Variants in SLC4A4 observed in about 807,000 individuals in gnomAD.
SLC4A4 encodes electrogenic sodium bicarbonate cotransporter 1.
SLC4A4 carries 27 observed loss-of-function variants against 111.5 expected under a neutral mutation model. That is an observed-to-expected ratio of 0.24 (90% CI 0.18 to 0.33). The LOEUF (loss-of-function observed/expected upper bound fraction) is 0.33. Ranked by LOEUF, SLC4A4 falls within the 10% of genes least tolerant of loss-of-function variation. SLC4A4 has a pLI of 1.00. For synonymous variants in SLC4A4, 443 were observed against 463.4 expected (o/e 0.96, Z 0.57); for missense variants, 909 against 1,315.5 (o/e 0.69, Z 4.78).
intron 2 of SLC4A4, among the ~76,000 whole-genome samples, chr4:71,239,378 T>A (rs1448304486): frequency 1.1e-4 from 17 of 152,154 alleles, no homozygotes; most frequent in Admixed American, 1.1e-3. Context: ...ATTTGTGCTT[T>A]AAAAGTGCTT....
chr4:71,544,164 A>C (rs1735304099), intron 18 of SLC4A4, among the ~76,000 whole-genome samples: 1 of 152,058 alleles, frequency 6.6e-6, no homozygotes, highest in Admixed American at 6.6e-5. Context: ...AATGCAAAGC[A>C]GGGAAACATA....
chr4:71,101,899 C>G (rs565328830), intron 2 of SLC4A4, among the ~76,000 whole-genome samples: 1 of 151,888 alleles, frequency 6.6e-6, no homozygotes, highest in Non-Finnish European at 1.5e-5. Context: ...TCCTCACCAG[C>G]AATGGAACAA....
At chr4:71,212,156 A>C (rs1353031990) in intron 1 of SLC4A4, among the ~76,000 whole-genome samples, 2 of 152,226 alleles carry the variant, frequency 1.3e-5, no homozygotes, top group Non-Finnish European at 2.9e-5. Flanking sequence ...TGTCTGAAAG[A>C]ATAATTTAGG....
intron 12 of SLC4A4, among the ~76,000 whole-genome samples, chr4:71,463,396 T>C (rs1379441498): frequency 6.6e-6 from 1 of 152,220 alleles, no homozygotes; most frequent in Non-Finnish European, 1.5e-5. Flanking sequence ...ACTACAGTTA[T>C]TCATTACATG....
chr4:71,536,266 G>A (rs575201693), intron 18 of SLC4A4, among the ~76,000 whole-genome samples: 1 of 150,872 alleles, frequency 6.6e-6, no homozygotes, highest in African/African-American at 2.4e-5. Context: ...CATTCAAGGG[G>A]GTGAGGGGGG....
At chr4:71,064,320 A>G (rs1405852172) in intron 1 of SLC4A4, among the ~76,000 whole-genome samples, 2 of 152,198 alleles carry the variant, frequency 1.3e-5, no homozygotes, top group Non-Finnish European at 2.9e-5. Flanking sequence ...GAAAAGTGCA[A>G]TGCTCTTAAC....
intron 2 of SLC4A4, among the ~76,000 whole-genome samples, chr4:71,151,493 T>C (rs1465752561): frequency 6.6e-6 from 1 of 152,146 alleles, no homozygotes; most frequent in Non-Finnish European, 1.5e-5. Flanking sequence ...TAATGACATT[T>C]AATGTCATTT....
At chr4:71,464,107 G>C (rs1234917400) in intron 12 of SLC4A4, among the ~76,000 whole-genome samples, 1 of 152,156 alleles carries the variant, frequency 6.6e-6, no homozygotes, top group Non-Finnish European at 1.5e-5. Context: ...ATACACTGGT[G>C]TAAGTTGTAA....
chr4:71,375,612 A>G (rs1278358500), intron 6 of SLC4A4, among the ~76,000 whole-genome samples: 1 of 152,138 alleles, frequency 6.6e-6, no homozygotes, highest in African/African-American at 2.4e-5. Flanking sequence ...TCTACTTTGC[A>G]CTATAATGTA....
intron 3 of SLC4A4, among the ~76,000 whole-genome samples, chr4:71,331,759 A>G (rs943495862): frequency 1.3e-5 from 2 of 151,424 alleles, no homozygotes; most frequent in African/African-American, 4.8e-5. Flanking sequence ...TGGTTTGGAT[A>G]GGATTGGCAT....
intron 7 of SLC4A4, among the ~76,000 whole-genome samples, chr4:71,425,688 G>A (rs35378933): frequency 0.17 from 26,267 of 151,978 alleles, 2,536 homozygotes; most frequent in South Asian, 0.31. Flanking sequence ...CTCAAAGTGG[G>A]GGTGGATGGT....
At chr4:71,113,698 A>G (rs1399288833) in intron 2 of SLC4A4, among the ~76,000 whole-genome samples, 1 of 152,140 alleles carries the variant, frequency 6.6e-6, no homozygotes, top group African/African-American at 2.4e-5. Context: ...AGTGAGATTC[A>G]CCGGGTTAGG....
chr4:71,466,398 G>T (rs1272649285), intron 12 of SLC4A4, 46 bp from the exon 13 acceptor site: 2 of 1,610,958 alleles, frequency 1.2e-6, no homozygotes, highest in East Asian at 4.5e-5. Context: ...CAAATGAGAA[G>T]AAAAAAGATG....
At chr4:71,339,023 T>TTATAA (rs1728664164) in intron 3 of SLC4A4, 2 of 1,427,300 alleles carry the variant, frequency 1.4e-6, no homozygotes, top group Non-Finnish European at 1.8e-6. Flanking sequence ...GGCTTTTGTC[T>TTATAA]TATAATTTTG....
chr4:71,344,208 C>T (rs1466868545), intron 4 of SLC4A4, among the ~76,000 whole-genome samples: 4 of 152,138 alleles, frequency 2.6e-5, no homozygotes, highest in Non-Finnish European at 5.9e-5. Flanking sequence ...TCATGCTCAA[C>T]AAAGACTGGT....
At chr4:71,074,839 A>C (rs1741763721) in intron 1 of SLC4A4, among the ~76,000 whole-genome samples, 1 of 152,244 alleles carries the variant, frequency 6.6e-6, no homozygotes, top group African/African-American at 2.4e-5. Context: ...GGGACTGCTA[A>C]AAATACAGCA....
intron 12 of SLC4A4, among the ~76,000 whole-genome samples, chr4:71,464,055 C>A (rs944165000): frequency 6.6e-6 from 1 of 152,146 alleles, no homozygotes; most frequent in African/African-American, 2.4e-5. Flanking sequence ...GTAGCTTGTC[C>A]TGCCACAGGA....
intron 16 of SLC4A4, among the ~76,000 whole-genome samples, chr4:71,500,590 G>A (rs1328887875): frequency 6.6e-6 from 1 of 152,166 alleles, no homozygotes; most frequent in Non-Finnish European, 1.5e-5. Context: ...AAAGTGCCGG[G>A]ATTACAGGTG....
chr4:71,119,342 C>T (rs1743354141), intron 2 of SLC4A4, among the ~76,000 whole-genome samples: 1 of 152,060 alleles, frequency 6.6e-6, no homozygotes, highest in Admixed American at 6.6e-5. Context: ...TATGAGTGCA[C>T]TTATGCTTTT....
Sources: allele counts gnomAD v4.1 joint callset (sites outside exome capture counted in the v4.1 genomes callset), GRCh38; gene constraint gnomAD v4.1.1; transcripts MANE v1.5; gene names NCBI Gene and HGNC (gene_info 2026-07-23, HGNC 2026-07-21).